NEBL: variants seen among roughly 807,000 people sequenced by gnomAD.
NEBL encodes the protein nebulette, also known as LIM and SH3 protein 2.
In NEBL, 122 loss-of-function variants were observed where a neutral mutation model predicts 140.2. That is an observed-to-expected ratio of 0.87 (90% CI 0.75 to 1.01). The LOEUF is 1.01. Among genes scored for constraint, NEBL ranks in the 50% least tolerant of loss-of-function variants. The pLI, the probability that NEBL is intolerant of heterozygous loss-of-function variation, is 0.00. For missense variants in NEBL, 1,365 were observed against 1,231.3 expected (o/e 1.11, Z -1.62); for synonymous variants, 436 against 398.9 (o/e 1.09, Z -1.11).
intron 3 of NEBL, chr10:21,019,968 T>G (rs570111906): frequency 3.7e-5 from 27 of 738,008 alleles, no homozygotes; most frequent in African/African-American, 3.6e-4. Context: ...GTTCAACACT[T>G]TCACCCGGAA....
chr10:20,886,243 T>C (rs1378405259), intron 4 of NEBL, among the ~76,000 whole-genome samples: 2 of 151,942 alleles, frequency 1.3e-5, no homozygotes, highest in Non-Finnish European at 2.9e-5. Context: ...TGGGGAAAGG[T>C]AGGGCGCAAT....
intron 3 of NEBL, among the ~76,000 whole-genome samples, chr10:21,244,847 A>G (rs1313861437): frequency 6.7e-6 from 1 of 150,174 alleles, no homozygotes; most frequent in Non-Finnish European, 1.5e-5. Flanking sequence ...CCTCACCTCT[A>G]AAAAATAAAA....
At position 20,840,861 on chromosome 10, in the gene NEBL, G is replaced by A; in HGVS notation, c.1228-12C>T. ...TTTTTATATTCTTTCTATGAGACAAGAATATCACAGTTCAAAACTTAGCAG... is the reference window on the plus strand; with the variant it reads ...TTTTTATATTCTTTCTATGAGACAAAAATATCACAGTTCAAAACTTAGCAG... On this transcript the variant is annotated splice_polypyrimidine_tract_variant and intron_variant, in intron 12 of 27. Transcript: ENST00000377122. 7.0e-7 allele frequency: 1 copy of A among 1,434,400 alleles called. No individual in the cohort carries two copies. Among genetic ancestry groups the A allele is most frequent in the Non-Finnish European group, 9.8e-7 (1 of 1,022,666 alleles). 88.9% of individuals were successfully genotyped at this position (1,434,400 alleles called of 1,614,324 possible).
intron 5 of NEBL, among the ~76,000 whole-genome samples, chr10:20,872,047 T>C (rs1435616323): frequency 1.3e-5 from 2 of 152,150 alleles, no homozygotes; most frequent in Admixed American, 1.3e-4. Context: ...GTCTTTTTGT[T>C]TAGAAAAGAA....
At chr10:20,864,410 C>T (rs2131189500) in intron 7 of NEBL, among the ~76,000 whole-genome samples, 1 of 152,234 alleles carries the variant, frequency 6.6e-6, no homozygotes, top group East Asian at 1.9e-4. Flanking sequence ...GGGAGCAAAG[C>T]TATTGTAGAA....
intron 3 of NEBL, among the ~76,000 whole-genome samples, chr10:21,202,575 G>T (rs570334466): frequency 6.9e-6 from 1 of 145,748 alleles, no homozygotes; most frequent in East Asian, 2.0e-4. Context: ...CCATTCTCCT[G>T]CCTCAGCCTC....
intron 3 of NEBL, among the ~76,000 whole-genome samples, chr10:21,201,808 T>C (rs1304988390): frequency 6.6e-6 from 1 of 152,188 alleles, no homozygotes; most frequent in African/African-American, 2.4e-5. Flanking sequence ...ATTTTTTTAT[T>C]ATGGATGGTT....
At chr10:20,996,670 G>A (rs7097882) in intron 3 of NEBL, among the ~76,000 whole-genome samples, 14,857 of 152,116 alleles carry the variant, frequency 0.098, 1,601 homozygotes, top group East Asian at 0.38. Context: ...TTCTCAGGGG[G>A]CTAGACTGTA....
intron 1 of NEBL, among the ~76,000 whole-genome samples, chr10:21,285,357 C>A (rs1363527035): frequency 6.6e-6 from 1 of 152,182 alleles, no homozygotes; most frequent in Admixed American, 6.5e-5. Flanking sequence ...GAGATAGATG[C>A]ATATCTGATG....
At chr10:21,135,644 A>T (rs1564523365) in intron 2 of NEBL, among the ~76,000 whole-genome samples, 3 of 152,180 alleles carry the variant, frequency 2.0e-5, no homozygotes, top group Non-Finnish European at 4.4e-5. Context: ...CTACTCAGTG[A>T]GTGATTCCCC....
At chr10:21,137,617 G>A (rs1170192544) in intron 2 of NEBL, among the ~76,000 whole-genome samples, 1 of 152,096 alleles carries the variant, frequency 6.6e-6, no homozygotes, top group Non-Finnish European at 1.5e-5. Flanking sequence ...CTTCTGATAG[G>A]TGGCACAACC....
At chr10:21,038,378 C>CAGG (rs1834104342) in intron 2 of NEBL, among the ~76,000 whole-genome samples, 1 of 152,160 alleles carries the variant, frequency 6.6e-6, no homozygotes, top group South Asian at 2.1e-4. Context: ...CAGCCCCTGG[C>CAGG]AGGCCTCGGT....
intron 3 of NEBL, among the ~76,000 whole-genome samples, chr10:21,193,050 A>C (rs1841598269): frequency 6.6e-6 from 1 of 152,226 alleles, no homozygotes. Context: ...CTGGGCAGTC[A>C]GGAGGGAACA....
At chr10:20,912,593 C>T (rs1042592592) in intron 4 of NEBL, among the ~76,000 whole-genome samples, 11 of 152,136 alleles carry the variant, frequency 7.2e-5, no homozygotes, top group African/African-American at 2.2e-4. Context: ...CAGTATAAGT[C>T]TTTATCTCTT....
At chr10:21,257,518 A>G (rs1315903929) in intron 1 of NEBL, among the ~76,000 whole-genome samples, 4 of 152,238 alleles carry the variant, frequency 2.6e-5, no homozygotes. Flanking sequence ...CCATTGCTGT[A>G]GGAACTGAAA....
chr10:21,167,115 T>C (rs915302683), intron 2 of NEBL, among the ~76,000 whole-genome samples: 1 of 152,174 alleles, frequency 6.6e-6, no homozygotes, highest in African/African-American at 2.4e-5. Flanking sequence ...CGTCACGAGA[T>C]GCACCCAGCC....
At chr10:21,202,013 C>A (rs185531797) in intron 3 of NEBL, among the ~76,000 whole-genome samples, 5 of 152,246 alleles carry the variant, frequency 3.3e-5, no homozygotes, top group African/African-American at 9.6e-5. Flanking sequence ...GGGTATTTTG[C>A]ACTGTAGTCT....
intron 12 of NEBL, among the ~76,000 whole-genome samples, chr10:20,842,982 C>T (rs1315792026): frequency 6.6e-6 from 1 of 151,960 alleles, no homozygotes; most frequent in Non-Finnish European, 1.5e-5. Context: ...CAGTGCCTGG[C>T]TTATTTCACC....
chr10:21,029,128 A>G (rs1589151875), intron 2 of NEBL: 13 of 1,286,994 alleles, frequency 1.0e-5, no homozygotes, highest in Middle Eastern at 2.6e-4. Context: ...GGCTGATGCA[A>G]CAGATGACCT....
Sources: allele counts gnomAD v4.1 joint callset (sites outside exome capture counted in the v4.1 genomes callset), GRCh38; gene constraint gnomAD v4.1.1; transcripts MANE v1.5; gene names NCBI Gene and HGNC (gene_info 2026-07-23, HGNC 2026-07-21).